DCC: variants seen among roughly 807,000 people sequenced by gnomAD.
The protein encoded by DCC is DCC netrin 1 receptor.
Under a neutral mutation model 172.5 loss-of-function variants are expected in DCC, and 58 were observed. That is an observed-to-expected ratio of 0.34 (90% CI 0.27 to 0.42). DCC has a LOEUF of 0.42. Ranked by LOEUF, DCC falls within the 10% of genes least tolerant of loss-of-function variation. The probability of loss-of-function intolerance (pLI) is 1.00; values close to 1 mark genes in which losing one functional copy is unlikely to be tolerated. For missense variants in DCC, 1,740 were observed against 1,791.0 expected (o/e 0.97, Z 0.51); for synonymous variants, 709 against 644.5 (o/e 1.10, Z -1.52).
chr18:52,389,591 G>A (rs1303758710), intron 1 of DCC, among the ~76,000 whole-genome samples: 2 of 152,074 alleles, frequency 1.3e-5, no homozygotes, highest in South Asian at 4.1e-4. Flanking sequence ...ATAGTACATA[G>A]TCATGCAAAA....
intron 1 of DCC, among the ~76,000 whole-genome samples, chr18:52,356,300 A>G (rs889025223): frequency 1.3e-5 from 2 of 152,304 alleles, no homozygotes; most frequent in South Asian, 4.1e-4. Flanking sequence ...CTCCTGCACT[A>G]CTGGAATAAG....
intron 15 of DCC, among the ~76,000 whole-genome samples, chr18:53,362,152 C>G (rs892758430): frequency 2.6e-5 from 4 of 152,116 alleles, no homozygotes; most frequent in Non-Finnish European, 5.9e-5. Context: ...TATTGCCATA[C>G]CATCTTTTAT....
At chr18:53,509,718 C>T (rs2046227161) in intron 27 of DCC, among the ~76,000 whole-genome samples, 1 of 152,164 alleles carries the variant, frequency 6.6e-6, no homozygotes, top group Non-Finnish European at 1.5e-5. Flanking sequence ...GATTTATTAT[C>T]TATAACAGGT....
chr18:52,359,622 C>G (rs1484040442), intron 1 of DCC, among the ~76,000 whole-genome samples: 2 of 152,108 alleles, frequency 1.3e-5, no homozygotes, highest in African/African-American at 2.4e-5. Context: ...GTTACATCAT[C>G]TATTATGAAC....
chr18:53,371,971 G>T (rs1201547967), intron 15 of DCC, among the ~76,000 whole-genome samples: 1 of 152,094 alleles, frequency 6.6e-6, no homozygotes, highest in Non-Finnish European at 1.5e-5. Context: ...AGCAGATGCT[G>T]ATGAGGTTGT....
chr18:53,173,499 T>C (rs1278701587), intron 8 of DCC, among the ~76,000 whole-genome samples: 1 of 151,844 alleles, frequency 6.6e-6, no homozygotes, highest in Non-Finnish European at 1.5e-5. Context: ...TTGTCTCCAG[T>C]TAAAATTAAA....
intron 20 of DCC, among the ~76,000 whole-genome samples, chr18:53,414,919 T>C (rs571964826): frequency 6.6e-6 from 1 of 152,308 alleles, no homozygotes; most frequent in South Asian, 2.1e-4. Flanking sequence ...TATCTTTTCA[T>C]AGAATATGTG....
At chr18:53,404,721 A>C (rs1219671455) in intron 19 of DCC, among the ~76,000 whole-genome samples, 1 of 149,176 alleles carries the variant, frequency 6.7e-6, no homozygotes, top group Non-Finnish European at 1.5e-5. Context: ...ACAGAGTAAG[A>C]CTCCGTCTCA....
chr18:52,918,014 T>A (rs572941563), intron 3 of DCC, among the ~76,000 whole-genome samples: 4 of 152,296 alleles, frequency 2.6e-5, no homozygotes, highest in Admixed American at 2.6e-4. Flanking sequence ...AATAAAACTA[T>A]TGTCAAATAT....
chr18:53,099,939 C>CTTTTTTTTTTTTTTTTTTT lies in DCC; in HGVS notation c.1261+33776_1261+33777insTTTTTTTTTTTTTTTTTTT, dbSNP rs200213348. Among the ~76,000 whole-genome samples, 48 of 87,160 alleles carry CTTTTTTTTTTTTTTTTTTT rather than the reference C, an allele frequency of 5.5e-4. 8 individuals carry two copies. Among genetic ancestry groups the CTTTTTTTTTTTTTTTTTTT allele is most frequent in the African/African-American group, 6.9e-4 (13 of 18,844 alleles). The allele number at this position is 87,160 out of a possible 152,430, so 57.2% of individuals were successfully genotyped here. On this transcript the variant is annotated intron_variant, in intron 7 of 28. Transcript: ENST00000442544. Reference sequence around the variant, plus strand: ...AAGAGACTTTTCTTTTCTTTTCTTTCTTTCTTTTTTTTTTTTTTTTTGTTT... The same window carrying CTTTTTTTTTTTTTTTTTTT: ...AAGAGACTTTTCTTTTCTTTTCTTTCTTTTTTTTTTTTTTTTTTTTTTCTTTTTTTTTTTTTTTTTGTTT...
chr18:52,909,705 C>A (rs780408799), intron 3 of DCC, among the ~76,000 whole-genome samples: 1 of 151,436 alleles, frequency 6.6e-6, no homozygotes. Context: ...TTATTCATTA[C>A]GTAAATACTT....
chr18:52,862,204 C>T (rs1410959354), intron 2 of DCC, among the ~76,000 whole-genome samples: 1 of 151,806 alleles, frequency 6.6e-6, no homozygotes, highest in East Asian at 1.9e-4. Flanking sequence ...CTTGGGCTTC[C>T]AGGAGTTCTT....
chr18:52,750,080 A>T (rs2036971341), intron 1 of DCC, among the ~76,000 whole-genome samples: 1 of 152,158 alleles, frequency 6.6e-6, no homozygotes, highest in African/African-American at 2.4e-5. Context: ...TTTCAGCAAA[A>T]TCAGCCTTAA....
chr18:53,272,289 A>C (rs1334308315), intron 12 of DCC, among the ~76,000 whole-genome samples: 3 of 152,170 alleles, frequency 2.0e-5, no homozygotes, highest in Non-Finnish European at 4.4e-5. Context: ...CATCTAAAAT[A>C]AGGAAATATA....
Position 53,060,741 on chromosome 18 carries a change from T to C in DCC, c.986-2564T>C, listed in dbSNP as rs577197128. ...ATCAGCTTTGCTTTATTTAGTTCCA[T>C]TGAGAGATAATAAACAGGAAAATGA... On this transcript the variant is annotated intron_variant, in intron 5 of 28. Coordinates refer to ENST00000442544, the MANE Select transcript of DCC (RefSeq NM_005215.4). Among the ~76,000 whole-genome samples, 6 of 152,226 alleles carry C rather than the reference T, an allele frequency of 3.9e-5. No homozygotes were observed. The South Asian group carries it at 8.3e-4, about 21-fold the overall frequency.
intron 27 of DCC, among the ~76,000 whole-genome samples, chr18:53,514,636 A>G (rs1009483858): frequency 6.6e-6 from 1 of 152,220 alleles, no homozygotes; most frequent in Non-Finnish European, 1.5e-5. Flanking sequence ...GATCCCACAG[A>G]AATACAAACT....
intron 25 of DCC, among the ~76,000 whole-genome samples, chr18:53,468,342 T>TTTTATTTATTTA (rs60585459): frequency 0.46 from 60,634 of 130,694 alleles, 14,405 homozygotes; most frequent in Non-Finnish European, 0.53. Context: ...CATAGTTTAT[T>TTTTATTTATTTA]TTTATTTATT....
At chr18:52,930,141 T>C (rs1468088609) in intron 5 of DCC, among the ~76,000 whole-genome samples, 2 of 152,100 alleles carry the variant, frequency 1.3e-5, no homozygotes, top group Admixed American at 1.3e-4. Flanking sequence ...TTTTTCTTCT[T>C]TTTTGTAGAG....
At chr18:53,188,049 C>T (rs1003685289) in intron 9 of DCC, among the ~76,000 whole-genome samples, 6 of 152,180 alleles carry the variant, frequency 3.9e-5, no homozygotes, top group East Asian at 3.9e-4. Flanking sequence ...ACATTGTCCT[C>T]TTATTTAAAC....
Sources: gnomAD v4.1 joint callset for allele counts (sites outside exome capture counted in the v4.1 genomes callset) on GRCh38, gnomAD v4.1.1 for gene constraint, MANE v1.5 for transcripts, NCBI Gene and HGNC (gene_info 2026-07-23, HGNC 2026-07-21) for gene names.